Variants in ZNF341 observed in about 807,000 individuals in gnomAD.
ZNF341 encodes the protein zinc finger protein 341.
In ZNF341, 52 loss-of-function variants were observed where a neutral mutation model predicts 87.7. The observed-to-expected ratio is 0.59, with a 90% CI of 0.47 to 0.75. ZNF341 has a LOEUF of 0.75. Ranked by LOEUF, ZNF341 falls within the 30% of genes least tolerant of loss-of-function variation. The pLI, the probability that ZNF341 is intolerant of heterozygous loss-of-function variation, is 0.00. For missense variants in ZNF341, 977 were observed against 1,145.9 expected (o/e 0.85, Z 2.13); for synonymous variants, 459 against 472.7 (o/e 0.97, Z 0.38).
intron 4 of ZNF341, 101 bp from the exon 5 acceptor site, chr20:33,753,071 C>G: frequency 1.3e-6 from 2 of 1,539,812 alleles, no homozygotes; most frequent in Non-Finnish European, 1.8e-6. Flanking sequence ...TGGTAAGTAG[C>G]TGTTTTTCCA....
At chr20:33,783,251 G>A (rs2019780339) in intron 11 of ZNF341, among the ~76,000 whole-genome samples, 1 of 152,096 alleles carries the variant, frequency 6.6e-6, no homozygotes, top group African/African-American at 2.4e-5. Context: ...TTACTTGTCA[G>A]TCATTTGACC....
In ZNF341 at chr20:33,752,007, T is replaced by C. The variant is rs532571758; in HGVS notation, c.490-1165T>C. Among the ~76,000 whole-genome samples, 4 of 152,068 alleles carry C rather than the reference T, an allele frequency of 2.6e-5. No individual in the cohort carries two copies. The South Asian group carries it at 8.3e-4, about 32-fold the overall frequency. ...AAGCAGTCTACATAATCTGGTACAA[T>C]AGAACAGTGCCCCAGGTGGGCAAAA... On this transcript the variant is annotated intron_variant, in intron 4 of 14. Transcript: ENST00000375200.
chr20:33,774,130 A>T (rs2019581261), intron 10 of ZNF341, among the ~76,000 whole-genome samples: 1 of 150,820 alleles, frequency 6.6e-6, no homozygotes, highest in Non-Finnish European at 1.5e-5. Context: ...AAAAAAAAAA[A>T]AAAAAAAAAA....
At chr20:33,782,893 C>T (rs766312725) in intron 11 of ZNF341, among the ~76,000 whole-genome samples, 6 of 152,236 alleles carry the variant, frequency 3.9e-5, no homozygotes, top group Non-Finnish European at 7.4e-5. Flanking sequence ...TGGTGGTGGG[C>T]GCCTGTAATC....
In ZNF341 at chr20:33,791,287, A is replaced by G; in HGVS notation, c.2335A>G (p.Thr779Ala). ...DPLGLEELKDTGAGLVPEAVP... is the reference protein window; with the variant it reads ...DPLGLEELKDAGAGLVPEAVP... ...GCTGGGGCTGGAGGAGCTGAAGGAC[A>G]CAGGGGCTGGGCTGGTGCCCGAGGC... The change falls in exon 15 of 15, where the codon ACA (threonine) becomes GCA (alanine). Residue 779 changes from threonine to alanine, a missense_variant. By Grantham distance (58) the Thr-to-Ala change is moderately conservative (BLOSUM62 0). Coordinates refer to ENST00000375200, the MANE Select transcript of ZNF341 (RefSeq NM_001282933.2). 6.2e-7 allele frequency: 1 copy of G among 1,611,860 alleles called. No individual in the cohort carries two copies. Among genetic ancestry groups the G allele is most frequent in the Non-Finnish European group, 8.5e-7 (1 of 1,179,556 alleles).
chr20:33,768,897 G>A (rs914201181), intron 9 of ZNF341, among the ~76,000 whole-genome samples: 1 of 152,052 alleles, frequency 6.6e-6, no homozygotes, highest in Admixed American at 6.5e-5. Flanking sequence ...GCCTGAAAGT[G>A]AGTCAGAATT....
chr20:33,733,227 T>TC, intron 1 of ZNF341, among the ~76,000 whole-genome samples: 1 of 150,644 alleles, frequency 6.6e-6, no homozygotes, highest in South Asian at 2.1e-4. Context: ...CCTTTTTTTT[T>TC]TTTTTTTTTG....
Position 33,746,636 on chromosome 20 carries a change from A to T in ZNF341, c.339+1337A>T, listed in dbSNP as rs552707354. Among the ~76,000 whole-genome samples, 415 of 152,188 alleles carry T rather than the reference A, an allele frequency of 2.7e-3. 2 individuals carry two copies. The highest frequency in any genetic ancestry group is 9.6e-3 in the African/African-American group (400 of 41,544). On this transcript the variant is annotated intron_variant, in intron 3 of 14. Transcript: ENST00000375200. The stretch of plus-strand genomic sequence containing the variant: ...TCACTCTGGCTGCTGGACAGAGAAT[A>T]GGTTTTGAGGGAGGGTGAGAGAGAA...
Position 33,732,536 on chromosome 20 carries a change from A to G in ZNF341, c.31+484A>G, listed in dbSNP as rs2018593964. 6.6e-6 allele frequency among the ~76,000 whole-genome samples: 1 copy of G among 152,170 alleles called. No homozygotes were observed. Among genetic ancestry groups the G allele is most frequent in the African/African-American group, 2.4e-5 (1 of 41,444 alleles). ...TGCTAGGACGTAGTCTCAAAATCAG[A>G]CCACAGCAGCAGAGGCGCCACCTGT... On this transcript the variant is annotated intron_variant, in intron 1 of 14. Coordinates refer to ENST00000375200, the MANE Select transcript of ZNF341 (RefSeq NM_001282933.2). The surrounding 1 kb of genome is among the most constrained non-coding windows in gnomAD (Gnocchi z 4.5).
intron 7 of ZNF341, among the ~76,000 whole-genome samples, chr20:33,759,042 G>A (rs1233349478): frequency 1.3e-5 from 2 of 152,210 alleles, no homozygotes; most frequent in Non-Finnish European, 2.9e-5. Flanking sequence ...GGGATGGGCC[G>A]TGTAGGGGAA....
intron 8 of ZNF341, 48 bp downstream of exon 8, chr20:33,762,103 G>A (rs771397951): frequency 1.0e-5 from 15 of 1,476,228 alleles, no homozygotes; most frequent in Admixed American, 4.1e-5. Context: ...CTCTTCTGCC[G>A]CTTCACAGGT....
intron 8 of ZNF341, among the ~76,000 whole-genome samples, chr20:33,764,779 T>C (rs143331781): frequency 1.1e-3 from 160 of 151,700 alleles, no homozygotes; most frequent in African/African-American, 3.7e-3. Context: ...TATACACTTA[T>C]AGCACATCTG....
chr20:33,767,412 C>A (rs1461330634), intron 9 of ZNF341, among the ~76,000 whole-genome samples: 1 of 145,970 alleles, frequency 6.9e-6, no homozygotes, highest in African/African-American at 2.6e-5. Flanking sequence ...CGGTTTTACT[C>A]TTCCGCCCAG....
intron 5 of ZNF341, among the ~76,000 whole-genome samples, chr20:33,756,116 G>T (rs1322639298): frequency 6.6e-6 from 1 of 151,872 alleles, no homozygotes; most frequent in Non-Finnish European, 1.5e-5. Context: ...CCAGCTATTT[G>T]GTGGGGTGAG....
At position 33,791,293 on chromosome 20, in the gene ZNF341, G is replaced by C. The variant is rs1331429075; in HGVS notation, c.2341G>C (p.Ala781Pro). 1.9e-6 allele frequency: 3 copies of C among 1,611,656 alleles called. No individual in the cohort carries two copies. The highest frequency in any genetic ancestry group is 2.5e-6 in the Non-Finnish European group (3 of 1,179,534). ...GCTGGAGGAGCTGAAGGACACAGGG[G>C]CTGGGCTGGTGCCCGAGGCTGTCCC... ...LGLEELKDTG[A>P]GLVPEAVPGK... The change falls in exon 15 of 15, where the codon GCT becomes CCT. Residue 781 changes from alanine (A) to proline (P), a missense_variant. Ala to Pro is a conservative substitution (Grantham distance 27). Transcript: ENST00000375200.
chr20:33,753,377 C>A lies in ZNF341; in HGVS notation c.695C>A (p.Thr232Lys), dbSNP rs753597161. The stretch of plus-strand genomic sequence containing the variant: ...GCTGCGCCCCTGGCTGGGAGTGGAA[C>A]GGTGGAGATCCAGGCACTGGGGATG... ...SAAAPLAGSG[T>K]VEIQALGMQP... Residue 232 changes from threonine to lysine, a missense_variant, in exon 5 of 15, where the codon ACG (threonine) becomes AAG (lysine). By Grantham distance (78) the Thr-to-Lys change is moderately conservative. Around this residue, in one of 3 missense-constraint regions of ZNF341, gnomAD observed 515 missense variants for 598.2 expected, o/e 0.86. Transcript: ENST00000375200. The A allele has an allele frequency of 1.2e-6, 2 of 1,607,524 alleles. No individual in the cohort carries two copies. The highest frequency in any genetic ancestry group is 2.7e-5 in the African/African-American group (2 of 74,796).
intron 1 of ZNF341, among the ~76,000 whole-genome samples, chr20:33,733,575 G>A (rs886572715): frequency 6.6e-6 from 1 of 151,962 alleles, no homozygotes; most frequent in African/African-American, 2.4e-5. Context: ...GTTTCACCAT[G>A]TTGGCCAGAT....
At chr20:33,744,388 A>G (rs374521852) in intron 2 of ZNF341, among the ~76,000 whole-genome samples, 1 of 152,162 alleles carries the variant, frequency 6.6e-6, no homozygotes, top group South Asian at 2.1e-4. Context: ...TTGTCCTCAG[A>G]GAGGCAGCCT....
chr20:33,766,107 A>T (rs561306190), intron 8 of ZNF341, among the ~76,000 whole-genome samples: 49 of 151,884 alleles, frequency 3.2e-4, no homozygotes, highest in Admixed American at 4.6e-4. Flanking sequence ...CTGGTCTCGA[A>T]CTCCTGAACT....
Sources: allele counts gnomAD v4.1 joint callset (sites outside exome capture counted in the v4.1 genomes callset), GRCh38; gene constraint gnomAD v4.1.1; regional missense constraint gnomAD v4.1.1; non-coding constraint Gnocchi (gnomAD v3.1); transcripts MANE v1.5; gene names NCBI Gene and HGNC (gene_info 2026-07-23, HGNC 2026-07-21).